The following MPRIP variants were observed in gnomAD, a reference collection of about 807,000 sequenced individuals.
MPRIP encodes myosin phosphatase Rho interacting protein, also known as myosin phosphatase Rho-interacting protein.
Under a neutral mutation model 234.9 loss-of-function variants are expected in MPRIP, and 59 were observed. The observed-to-expected ratio is 0.25, with a 90% CI of 0.20 to 0.31. MPRIP has a LOEUF of 0.31. Ranked by LOEUF, MPRIP falls within the 10% of genes least tolerant of loss-of-function variation. MPRIP has a pLI of 1.00. For missense variants in MPRIP, 2,436 were observed against 3,071.0 expected (o/e 0.79, Z 4.89); for synonymous variants, 1,144 against 1,263.9 (o/e 0.91, Z 2.01).
chr17:17,114,487 A>T (rs995764808), intron 3 of MPRIP, among the ~76,000 whole-genome samples: 1 of 152,096 alleles, frequency 6.6e-6, no homozygotes, highest in African/African-American at 2.4e-5. Context: ...ATGGTTGCTA[A>T]ATCCAGTGTT....
At chr17:17,154,463 C>A in intron 13 of MPRIP, 48 bp downstream of exon 13, 1 of 1,515,142 alleles carries the variant, frequency 6.6e-7, no homozygotes, top group Non-Finnish European at 9.2e-7. Flanking sequence ...CTTGTGGGTG[C>A]CACTCCCGCC....
intron 17 of MPRIP, 111 bp downstream of exon 17, chr17:17,171,976 A>G: frequency 1.6e-6 from 2 of 1,253,440 alleles, no homozygotes; most frequent in Non-Finnish European, 2.2e-6. Flanking sequence ...CTGAGATGTA[A>G]ACTTCATTGT....
At chr17:17,137,066 G>C (rs1037094632) in intron 6 of MPRIP, among the ~76,000 whole-genome samples, 4 of 152,172 alleles carry the variant, frequency 2.6e-5, no homozygotes, top group African/African-American at 9.7e-5. Flanking sequence ...TGAGCAGCAG[G>C]GGCCAGCCCA....
At chr17:17,051,539 C>A (rs544760907) in intron 1 of MPRIP, among the ~76,000 whole-genome samples, 3 of 146,060 alleles carry the variant, frequency 2.1e-5, no homozygotes, top group Non-Finnish European at 4.5e-5. Flanking sequence ...CATCCTGGGG[C>A]GGGGTGGCGG....
intron 12 of MPRIP, among the ~76,000 whole-genome samples, chr17:17,153,805 C>T (rs1263222104): frequency 1.3e-5 from 2 of 152,224 alleles, no homozygotes; most frequent in East Asian, 1.9e-4. Flanking sequence ...CCAACAAGAC[C>T]CTGATACCCC....
At chr17:17,048,385 G>A (rs553753346) in intron 1 of MPRIP, among the ~76,000 whole-genome samples, 6 of 152,294 alleles carry the variant, frequency 3.9e-5, no homozygotes, top group African/African-American at 1.4e-4. Context: ...GTTTCCCTTT[G>A]TTCCTGTAGA....
intron 1 of MPRIP, among the ~76,000 whole-genome samples, chr17:17,048,464 A>C (rs2088427218): frequency 6.6e-6 from 1 of 152,112 alleles, no homozygotes; most frequent in Non-Finnish European, 1.5e-5. Flanking sequence ...AACAACGGGG[A>C]GATTTCGCAT....
intron 12 of MPRIP, among the ~76,000 whole-genome samples, chr17:17,151,921 G>T (rs1403477091): frequency 1.3e-5 from 2 of 152,234 alleles, no homozygotes; most frequent in African/African-American, 2.4e-5. Context: ...GGGCTCACCT[G>T]TAGCAGGGTC....
chr17:17,117,068 G>A (rs1213787597), intron 3 of MPRIP, among the ~76,000 whole-genome samples: 1 of 152,186 alleles, frequency 6.6e-6, no homozygotes, highest in Non-Finnish European at 1.5e-5. Context: ...GAGCTCCTCA[G>A]TCCACTGAGC....
intron 9 of MPRIP, among the ~76,000 whole-genome samples, chr17:17,145,736 C>T (rs1388545928): frequency 6.6e-6 from 1 of 152,230 alleles, no homozygotes; most frequent in African/African-American, 2.4e-5. Context: ...CCCAGATAGG[C>T]CCTGTGCAGT....
intron 1 of MPRIP, among the ~76,000 whole-genome samples, chr17:17,058,661 T>C (rs2088780468): frequency 6.6e-6 from 1 of 152,158 alleles, no homozygotes; most frequent in South Asian, 2.1e-4. Context: ...AGGTCCGCAT[T>C]GTTGAGAGAA....
In MPRIP at chr17:17,180,226, C is replaced by A. The variant is rs1054585127; in HGVS notation, c.7206+138C>A. 3 of 725,404 alleles carry A rather than the reference C, an allele frequency of 4.1e-6. No homozygotes were observed. The African/African-American group carries it at 5.4e-5, about 13-fold the overall frequency. The allele number at this position is 725,404 out of a possible 1,614,324, so 44.9% of individuals were successfully genotyped here. On this transcript the variant is annotated intron_variant, in intron 23 of 23. Coordinates refer to ENST00000651222, the MANE Select transcript of MPRIP (RefSeq NM_001364716.4). ...CCAGCACTGAGCCAGCCCGAGCTCA[C>A]CCTGCTGGGCTGGTTCTGGTGGCTT...
chr17:17,133,256 C>T (rs556059934), intron 5 of MPRIP, among the ~76,000 whole-genome samples: 2 of 152,200 alleles, frequency 1.3e-5, no homozygotes, highest in African/African-American at 2.4e-5. Flanking sequence ...GACAACCTTG[C>T]GGGGTCTCTC....
Position 17,185,843 on chromosome 17 carries a change from G to A in MPRIP, c.*949G>A, listed in dbSNP as rs2046465620. ...GTTAAGTCAAGAAGAAAGTACAGAGGATGTCAGAATCTGATGAGAACAGCA... is the reference window on the plus strand; with the variant it reads ...GTTAAGTCAAGAAGAAAGTACAGAGAATGTCAGAATCTGATGAGAACAGCA... On this transcript the variant is annotated 3_prime_UTR_variant, in exon 24 of 24. Transcript: ENST00000651222. 3.4e-6 allele frequency: 1 copy of A among 293,226 alleles called. No individual in the cohort carries two copies. The highest frequency in any genetic ancestry group is 2.2e-5 in the African/African-American group (1 of 44,592). 18.2% of individuals were successfully genotyped at this position (293,226 alleles called of 1,614,324 possible).
chr17:17,181,288 C>T (rs2046370004), intron 23 of MPRIP, among the ~76,000 whole-genome samples: 1 of 152,074 alleles, frequency 6.6e-6, no homozygotes, highest in African/African-American at 2.4e-5. Context: ...GTGGGAGACA[C>T]CCTGAGAATG....
At chr17:17,117,228 A>G (rs901164940) in intron 3 of MPRIP, among the ~76,000 whole-genome samples, 4 of 152,260 alleles carry the variant, frequency 2.6e-5, no homozygotes, top group Admixed American at 2.0e-4. Context: ...GAGAAGCAGC[A>G]GGCGGCACGG....
At chr17:17,048,125 A>G (rs997105478) in intron 1 of MPRIP, among the ~76,000 whole-genome samples, 2 of 152,020 alleles carry the variant, frequency 1.3e-5, no homozygotes, top group African/African-American at 4.8e-5. Flanking sequence ...GCCTGTTTCT[A>G]CTTCTTTGTC....
chr17:17,158,995 A>C lies in MPRIP; in HGVS notation c.2393A>C (p.Glu798Ala). 3 of 1,611,316 alleles carry C rather than the reference A, an allele frequency of 1.9e-6. No individual in the cohort carries two copies. Among genetic ancestry groups the C allele is most frequent in the Non-Finnish European group, 2.5e-6 (3 of 1,179,014 alleles). ...ACACACGAGCTGACCTCTCTGCTCG[A>C]GAAGGAGGTAATAGCCTGGGACCAG... ...LSTHELTSLLEKELEQSQKEA... is the reference protein window; with the variant it reads ...LSTHELTSLLAKELEQSQKEA... Residue 798 changes from glutamate (E) to alanine (A), a missense_variant, in exon 14 of 24, where the codon GAG (glutamate) becomes GCG (alanine). Physicochemically the swap from Glu to Ala is moderately radical, Grantham distance 107. Coordinates refer to ENST00000651222, the MANE Select transcript of MPRIP (RefSeq NM_001364716.4).
At chr17:17,143,010 ACT>A (rs2045363987) in intron 8 of MPRIP, among the ~76,000 whole-genome samples, 1 of 152,016 alleles carries the variant, frequency 6.6e-6, no homozygotes, top group Non-Finnish European at 1.5e-5. Context: ...AATTAGGATC[ACT>A]CTCTTCCTAT....
Sources: gnomAD v4.1 joint callset for allele counts (sites outside exome capture counted in the v4.1 genomes callset) on GRCh38, gnomAD v4.1.1 for gene constraint, MANE v1.5 for transcripts, NCBI Gene and HGNC (gene_info 2026-07-23, HGNC 2026-07-21) for gene names.